The following ITGA9 variants were observed in gnomAD, a reference collection of about 807,000 sequenced individuals.
ITGA9 encodes the protein integrin subunit alpha 9.
Under a neutral mutation model 127.8 loss-of-function variants are expected in ITGA9, and 56 were observed. That is an observed-to-expected ratio of 0.44 (90% CI 0.35 to 0.55). The LOEUF is 0.55. Among genes scored for constraint, ITGA9 ranks in the 20% least tolerant of loss-of-function variants. The pLI is 0.00. For missense variants in ITGA9, 1,196 were observed against 1,347.1 expected (o/e 0.89, Z 1.76); for synonymous variants, 508 against 514.5 (o/e 0.99, Z 0.17).
intron 17 of ITGA9, among the ~76,000 whole-genome samples, chr3:37,678,632 T>C (rs1390305231): frequency 1.3e-5 from 2 of 152,216 alleles, no homozygotes; most frequent in Non-Finnish European, 2.9e-5. Flanking sequence ...GCTAGATTTA[T>C]GATGGCAGCA....
At chr3:37,812,619 C>T (rs1193048435) in intron 27 of ITGA9, among the ~76,000 whole-genome samples, 4 of 152,202 alleles carry the variant, frequency 2.6e-5, no homozygotes, top group Non-Finnish European at 4.4e-5. Flanking sequence ...ATGTCTGTTA[C>T]GAGGGTTCAG....
intron 26 of ITGA9, among the ~76,000 whole-genome samples, chr3:37,794,467 C>G (rs1697148917): frequency 6.6e-6 from 1 of 152,218 alleles, no homozygotes; most frequent in African/African-American, 2.4e-5. Flanking sequence ...CATGCTCAGA[C>G]TTATTTGGTG....
At chr3:37,761,761 C>A (rs1401266617) in intron 23 of ITGA9, among the ~76,000 whole-genome samples, 1 of 152,146 alleles carries the variant, frequency 6.6e-6, no homozygotes, top group Non-Finnish European at 1.5e-5. Flanking sequence ...GTCACAGAGA[C>A]CCCGCTGATA....
intron 17 of ITGA9, among the ~76,000 whole-genome samples, chr3:37,680,630 C>G (rs1181892963): frequency 6.6e-6 from 1 of 152,160 alleles, no homozygotes; most frequent in Non-Finnish European, 1.5e-5. Context: ...CCTCCATGGT[C>G]CTGGGCTCAT....
At chr3:37,478,843 G>C (rs1343189231) in intron 3 of ITGA9, among the ~76,000 whole-genome samples, 1 of 152,102 alleles carries the variant, frequency 6.6e-6, no homozygotes, top group African/African-American at 2.4e-5. Flanking sequence ...TTTTAGTTTA[G>C]TATGAAATGC....
At chr3:37,533,224 C>G in intron 13 of ITGA9, 90 bp from the exon 14 acceptor site, 1 of 1,162,454 alleles carries the variant, frequency 8.6e-7, no homozygotes, top group Non-Finnish European at 1.3e-6. Flanking sequence ...GGGTTGAAGG[C>G]CTAGGATTTA....
At chr3:37,674,256 G>A (rs1178514549) in intron 17 of ITGA9, among the ~76,000 whole-genome samples, 3 of 152,246 alleles carry the variant, frequency 2.0e-5, no homozygotes, top group African/African-American at 7.2e-5. Context: ...ATAACTCTCA[G>A]ATATGGCAGT....
intron 15 of ITGA9, among the ~76,000 whole-genome samples, chr3:37,590,066 A>T (rs1699800053): frequency 6.6e-6 from 1 of 152,168 alleles, no homozygotes; most frequent in African/African-American, 2.4e-5. Context: ...CTCAAGTCCC[A>T]GCTGCATTAC....
Position 37,597,402 on chromosome 3 carries a change from T to C in ITGA9, c.1690-31785T>C, listed in dbSNP as rs1445797312. The stretch of plus-strand genomic sequence containing the variant: ...TAGGTGACAGATATGAAACGATAAA[T>C]GTGGAGGCAGGGAGACCAGGTAAGA... On this transcript the variant is annotated intron_variant, in intron 15 of 27. Transcript: ENST00000264741. The surrounding 1 kb of genome is among the most constrained non-coding windows in gnomAD (Gnocchi z 4.6). Among the ~76,000 whole-genome samples the C allele has an allele frequency of 6.6e-6, 1 of 150,512 alleles. No individual in the cohort carries two copies. Among genetic ancestry groups the C allele is most frequent in the Non-Finnish European group, 1.5e-5 (1 of 67,646 alleles).
intron 27 of ITGA9, among the ~76,000 whole-genome samples, chr3:37,813,645 G>A (rs137993997): frequency 2.0e-4 from 30 of 152,182 alleles, no homozygotes; most frequent in African/African-American, 7.2e-4. Context: ...AATTACTTTC[G>A]GTGACTTGTT....
At chr3:37,699,608 ACTC>A (rs1700924620) in intron 18 of ITGA9, among the ~76,000 whole-genome samples, 1 of 150,580 alleles carries the variant, frequency 6.6e-6, no homozygotes, top group Admixed American at 6.6e-5. Flanking sequence ...TACCTCTTAC[ACTC>A]CTCCTCTTAC....
At chr3:37,525,286 A>G (rs1699082535) in intron 12 of ITGA9, among the ~76,000 whole-genome samples, 1 of 152,234 alleles carries the variant, frequency 6.6e-6, no homozygotes, top group Non-Finnish European at 1.5e-5. Flanking sequence ...ACTGACTTAA[A>G]TATCTGATTT....
At chr3:37,703,592 A>G (rs998590998) in intron 18 of ITGA9, among the ~76,000 whole-genome samples, 2 of 152,204 alleles carry the variant, frequency 1.3e-5, no homozygotes, top group African/African-American at 4.8e-5. Flanking sequence ...AGTCATAAAC[A>G]AGATTTCTCT....
rs1052133043 is a variant in ITGA9 at position 37,452,384 on chromosome 3, C to G, written c.10C>G (p.Pro4Ala). 58 of 1,272,446 alleles carry G rather than the reference C, an allele frequency of 4.6e-5. No individual in the cohort carries two copies. The highest frequency in any genetic ancestry group is 5.7e-5 in the Non-Finnish European group (58 of 1,012,094). 78.8% of individuals were successfully genotyped at this position (1,272,446 alleles called of 1,614,324 possible). MGG[P>A]AAPRGAGRLR... ...CGGCGGCCGGCTGGGGATGGGCGGCCCGGCTGCGCCGAGGGGCGCCGGGAG... is the reference window on the plus strand; with the variant it reads ...CGGCGGCCGGCTGGGGATGGGCGGCGCGGCTGCGCCGAGGGGCGCCGGGAG... The change falls in exon 1 of 28, where the codon CCG becomes GCG. Residue 4 changes from proline (P) to alanine (A), a missense_variant. By Grantham distance (27) the Pro-to-Ala change is conservative. Coordinates refer to ENST00000264741, the MANE Select transcript of ITGA9 (RefSeq NM_002207.3). The surrounding 1 kb of genome is among the most constrained non-coding windows in gnomAD (Gnocchi z 7.3).
intron 17 of ITGA9, among the ~76,000 whole-genome samples, chr3:37,661,761 T>C (rs1700539256): frequency 6.6e-6 from 1 of 152,228 alleles, no homozygotes; most frequent in Non-Finnish European, 1.5e-5. Flanking sequence ...AGCCCTGCTC[T>C]CCTGCTGTGA....
chr3:37,735,659 C>A (rs2125530136), intron 19 of ITGA9, among the ~76,000 whole-genome samples: 1 of 152,330 alleles, frequency 6.6e-6, no homozygotes, highest in South Asian at 2.1e-4. Flanking sequence ...GGAACCTGGT[C>A]CTGTGACCCC....
intron 26 of ITGA9, among the ~76,000 whole-genome samples, chr3:37,798,964 G>A (rs549863713): frequency 6.6e-6 from 1 of 152,056 alleles, no homozygotes; most frequent in African/African-American, 2.4e-5. Context: ...TAATAGTTCT[G>A]TGGTATTCTA....
At chr3:37,807,859 A>G (rs923435277) in intron 27 of ITGA9, 1 of 152,286 alleles carries the variant, frequency 6.6e-6, no homozygotes, top group Admixed American at 6.5e-5. Flanking sequence ...GGAGAAAAAA[A>G]GAATAGCTGT....
At chr3:37,516,551 A>G (rs886405008) in intron 9 of ITGA9, among the ~76,000 whole-genome samples, 2 of 152,228 alleles carry the variant, frequency 1.3e-5, no homozygotes, top group South Asian at 2.1e-4. Flanking sequence ...TCCCCACTAC[A>G]CTGAAAGAAA....
Sources: allele counts gnomAD v4.1 joint callset (sites outside exome capture counted in the v4.1 genomes callset), GRCh38; gene constraint gnomAD v4.1.1; non-coding constraint Gnocchi (gnomAD v3.1); transcripts MANE v1.5; gene names NCBI Gene and HGNC (gene_info 2026-07-23, HGNC 2026-07-21).